SARDH: variants seen among roughly 807,000 people sequenced by gnomAD.
SARDH encodes sarcosine dehydrogenase, mitochondrial.
In SARDH, 95 loss-of-function variants were observed where a neutral mutation model predicts 109.1. The observed-to-expected ratio is 0.87, with a 90% CI of 0.74 to 1.03. The LOEUF (loss-of-function observed/expected upper bound fraction) is 1.03. Among genes scored for constraint, SARDH ranks in the 50% least tolerant of loss-of-function variants. The pLI is 0.00. For synonymous variants in SARDH, 572 were observed against 534.8 expected (o/e 1.07, Z -0.96); for missense variants, 1,267 against 1,287.8 (o/e 0.98, Z 0.25).
At chr9:133,673,240 G>A (rs1243441700) in intron 17 of SARDH, among the ~76,000 whole-genome samples, 1 of 152,262 alleles carries the variant, frequency 6.6e-6, no homozygotes, top group South Asian at 2.1e-4. Flanking sequence ...CTTGGTTCAG[G>A]TGCGTGGCAC....
At chr9:133,703,123 A>G (rs1831554521) in intron 12 of SARDH, 94 bp from the exon 13 acceptor site, 16 of 1,115,130 alleles carry the variant, frequency 1.4e-5, no homozygotes, top group East Asian at 7.5e-5. Flanking sequence ...TGATGGGGTC[A>G]GGCCTGGCCC....
At chr9:133,691,179 C>T (rs938605848) in intron 15 of SARDH, among the ~76,000 whole-genome samples, 1 of 143,622 alleles carries the variant, frequency 7.0e-6, no homozygotes, top group African/African-American at 2.8e-5. Context: ...AACACACACA[C>T]ACACACACAC....
chr9:133,729,687 C>A, intron 6 of SARDH, 78 bp downstream of exon 6: 1 of 1,310,526 alleles, frequency 7.6e-7, no homozygotes, highest in African/African-American at 1.4e-5. Context: ...GTCACACCAC[C>A]TGGGTTCAAG....
chr9:133,663,790 G>A lies in SARDH; in HGVS notation c.*99C>T. ...TAGGCCTAGGCTAAGGACAGGGAGG[G>A]CACAAGTTCTGGCTGGGTCCAGGGT... On this transcript the variant is annotated 3_prime_UTR_variant, in exon 21 of 21. Transcript: ENST00000439388. 1 of 1,522,888 alleles carries A rather than the reference G, an allele frequency of 6.6e-7. No homozygotes were observed. Among genetic ancestry groups the A allele is most frequent in the East Asian group, 2.3e-5 (1 of 44,194 alleles). 94.3% of individuals were successfully genotyped at this position (1,522,888 alleles called of 1,614,324 possible).
intron 16 of SARDH, among the ~76,000 whole-genome samples, chr9:133,688,539 A>AC (rs967578491): frequency 1.2e-4 from 18 of 151,016 alleles, no homozygotes; most frequent in South Asian, 2.1e-4. Context: ...AACAGCAGAG[A>AC]CCCCCCCACC....
chr9:133,731,492 G>A lies in SARDH; in HGVS notation c.511-8C>T. On this transcript the variant is annotated splice_region_variant and splice_polypyrimidine_tract_variant and intron_variant, in intron 3 of 20. Transcript: ENST00000439388. ...ACCATACGCCTTGCCCAGCTAGGGG[G>A]ACCCAGGGGAGGTTAACTGAGTCCG... The A allele has an allele frequency of 1.2e-6, 2 of 1,613,746 alleles. No individual in the cohort carries two copies. Among genetic ancestry groups the A allele is most frequent in the Non-Finnish European group, 1.7e-6 (2 of 1,179,770 alleles).
At chr9:133,696,103 G>A in intron 14 of SARDH, 120 bp downstream of exon 14, 1 of 1,254,922 alleles carries the variant, frequency 8.0e-7, no homozygotes, top group Non-Finnish European at 1.1e-6. Flanking sequence ...GCCAGGTGAG[G>A]GCAAGGAGCA....
chr9:133,717,917 G>A (rs1004119658), intron 7 of SARDH, among the ~76,000 whole-genome samples: 4 of 152,030 alleles, frequency 2.6e-5, no homozygotes, highest in South Asian at 2.1e-4. Flanking sequence ...TTGTTGTCGC[G>A]GTGCAGGGCT....
Position 133,698,432 on chromosome 9 carries a change from T to C in SARDH, c.1669-2071A>G, listed in dbSNP as rs144490744. 3.3e-5 allele frequency among the ~76,000 whole-genome samples: 5 copies of C among 152,298 alleles called. No homozygotes were observed. The East Asian group carries it at 9.6e-4, about 29-fold the overall frequency. ...ATTGACTAGCCAATCCTAAAATTCA[T>C]ATGGAGATTCAAAGGGGCCAATAAT... On this transcript the variant is annotated intron_variant, in intron 13 of 20. Transcript: ENST00000439388.
chr9:133,735,434 G>A (rs1448651625), intron 1 of SARDH, among the ~76,000 whole-genome samples: 1 of 152,212 alleles, frequency 6.6e-6, no homozygotes, highest in Non-Finnish European at 1.5e-5. Context: ...GAGAATGCAA[G>A]AGGGAGCCCT....
intron 4 of SARDH, among the ~76,000 whole-genome samples, chr9:133,730,895 T>C (rs1832657238): frequency 6.6e-6 from 1 of 152,164 alleles, no homozygotes; most frequent in Non-Finnish European, 1.5e-5. Context: ...GAGAATGGCA[T>C]GAACCCGGGA....
At chr9:133,659,621 G>A (rs555476682), downstream of SARDH, among the ~76,000 whole-genome samples, 2 of 152,188 alleles carry the variant, frequency 1.3e-5, no homozygotes, top group Non-Finnish European at 2.9e-5. Context: ...GATGGGCCTC[G>A]GAGTCCCCTC....
intron 13 of SARDH, among the ~76,000 whole-genome samples, chr9:133,702,479 C>T (rs1194049105): frequency 6.6e-6 from 1 of 152,240 alleles, no homozygotes; most frequent in Non-Finnish European, 1.5e-5. Flanking sequence ...CCATACGGGG[C>T]CTGATGCCCA....
At chr9:133,737,749 G>A (rs560747543) in intron 1 of SARDH, among the ~76,000 whole-genome samples, 18 of 152,340 alleles carry the variant, frequency 1.2e-4, no homozygotes, top group African/African-American at 2.9e-4. Flanking sequence ...CGGCCCCAGC[G>A]GGGACAGCCC....
chr9:133,723,411 G>A (rs1349113076), intron 6 of SARDH, among the ~76,000 whole-genome samples: 1 of 152,222 alleles, frequency 6.6e-6, no homozygotes, highest in Non-Finnish European at 1.5e-5. Context: ...TCAAGACAGT[G>A]AGGTACTAAG....
intron 16 of SARDH, among the ~76,000 whole-genome samples, chr9:133,685,855 C>T (rs551861362): frequency 6.6e-6 from 1 of 152,316 alleles, no homozygotes; most frequent in East Asian, 1.9e-4. Flanking sequence ...GCAGAAAGTG[C>T]TCTTCCCAGA....
chr9:133,734,586 C>T (rs1210389988), intron 1 of SARDH, among the ~76,000 whole-genome samples: 2 of 152,106 alleles, frequency 1.3e-5, no homozygotes, highest in Non-Finnish European at 1.5e-5. Flanking sequence ...AGACAGGGAG[C>T]GCCAAGCTCT....
intron 11 of SARDH, among the ~76,000 whole-genome samples, chr9:133,705,232 G>T (rs1430301518): frequency 6.6e-6 from 1 of 150,764 alleles, no homozygotes; most frequent in Non-Finnish European, 1.5e-5. Flanking sequence ...ATTACCACCT[G>T]CCCCATCTGC....
Position 133,666,034 on chromosome 9 carries a change from G to T in SARDH, c.2631+701C>A, listed in dbSNP as rs1250572486. 6.6e-6 allele frequency among the ~76,000 whole-genome samples: 1 copy of T among 152,186 alleles called. No individual in the cohort carries two copies. Among genetic ancestry groups the T allele is most frequent in the African/African-American group, 2.4e-5 (1 of 41,440 alleles). The stretch of plus-strand genomic sequence containing the variant: ...AGACCACCCCTTCCCCTTCTGGGGA[G>T]GCTGCCCACCCCCTGCCCCACCACC... On this transcript the variant is annotated intron_variant, in intron 20 of 20. Transcript: ENST00000439388. The surrounding 1 kb of genome is among the most constrained non-coding windows in gnomAD (Gnocchi z 5.2).
Sources: allele counts gnomAD v4.1 joint callset (sites outside exome capture counted in the v4.1 genomes callset), GRCh38; gene constraint gnomAD v4.1.1; non-coding constraint Gnocchi (gnomAD v3.1); transcripts MANE v1.5; gene names NCBI Gene and HGNC (gene_info 2026-07-23, HGNC 2026-07-21).